Variants in NR2C2 observed in about 807,000 individuals in gnomAD.
NR2C2 encodes the protein nuclear receptor subfamily 2 group C member 2.
Under a neutral mutation model 62.9 loss-of-function variants are expected in NR2C2, and 6 were observed. The ratio of observed to expected loss-of-function variants is 0.10; its 90% CI spans 0.05 to 0.19. The LOEUF is 0.19. NR2C2 is among the 10% of genes least tolerant of loss of function. NR2C2 has a pLI of 1.00. For missense variants in NR2C2, 479 were observed against 762.7 expected (o/e 0.63, Z 4.38); for synonymous variants, 272 against 273.8 (o/e 0.99, Z 0.07).
At chr3:14,967,559 A>T (rs966856827) in intron 1 of NR2C2, among the ~76,000 whole-genome samples, 22 of 152,044 alleles carry the variant, frequency 1.4e-4, no homozygotes, top group South Asian at 4.2e-4. Context: ...ATTTTTTTTT[A>T]AAAAAAGGAA....
intron 1 of NR2C2, among the ~76,000 whole-genome samples, chr3:14,962,882 G>A (rs546772408): frequency 2.6e-5 from 4 of 152,288 alleles, no homozygotes; most frequent in Admixed American, 1.3e-4. Flanking sequence ...TTGACCATTT[G>A]CCATGGACCA....
intron 1 of NR2C2, among the ~76,000 whole-genome samples, chr3:14,963,793 G>C (rs1205699503): frequency 3.9e-5 from 6 of 152,068 alleles, no homozygotes; most frequent in Admixed American, 3.9e-4. Flanking sequence ...CGTTCAAAGA[G>C]AGGATTTTTT....
intron 1 of NR2C2, among the ~76,000 whole-genome samples, chr3:14,989,669 C>T (rs1470394763): frequency 1.3e-5 from 2 of 149,810 alleles, no homozygotes; most frequent in South Asian, 2.1e-4. Flanking sequence ...TGGTGGCTCA[C>T]GACCTGTAAT....
chr3:14,949,224 T>G (rs887382641), intron 1 of NR2C2, among the ~76,000 whole-genome samples: 2 of 152,194 alleles, frequency 1.3e-5, no homozygotes, highest in Non-Finnish European at 2.9e-5. Context: ...TCATAAGTTC[T>G]GTGAAAGAAA....
rs2042067363 is a variant in NR2C2, at chr3:15,034,919, C to T, written c.1372+110C>T. The T allele has an allele frequency of 1.1e-5, 13 of 1,166,280 alleles. 1 individual carries two copies. In the African/African-American group the frequency reaches 1.4e-4, roughly 13 times the overall value. 72.2% of individuals were successfully genotyped at this position (1,166,280 alleles called of 1,614,324 possible). A position where few individuals can be genotyped will look rare whatever the true frequency, so the allele number is the denominator to read the frequency against. ...TCATGTCAAAGACACCTTTGTTGAC[C>T]CAGGCTGGCAACATAGCAAATTGGA... On this transcript the variant is annotated intron_variant, in intron 11 of 13. Transcript: ENST00000425241.
intron 1 of NR2C2, among the ~76,000 whole-genome samples, chr3:15,002,631 G>C (rs2041043797): frequency 8.2e-6 from 1 of 121,618 alleles, no homozygotes; most frequent in African/African-American, 3.0e-5. Flanking sequence ...TTTTTGTGAA[G>C]TGTTCACAAT....
At chr3:15,009,077 C>CA (rs2041275106) in intron 2 of NR2C2, among the ~76,000 whole-genome samples, 1 of 151,958 alleles carries the variant, frequency 6.6e-6, no homozygotes, top group Non-Finnish European at 1.5e-5. Flanking sequence ...AAAAAATTAG[C>CA]GGGGCATGGT....
intron 1 of NR2C2, among the ~76,000 whole-genome samples, chr3:14,969,875 A>T (rs1029659102): frequency 6.6e-5 from 10 of 152,226 alleles, no homozygotes; most frequent in Non-Finnish European, 1.5e-4. Flanking sequence ...GGGAATGTTT[A>T]AAAACATAGA....
intron 4 of NR2C2, among the ~76,000 whole-genome samples, chr3:15,017,610 C>T (rs950775125): frequency 6.6e-6 from 1 of 152,142 alleles, no homozygotes; most frequent in Non-Finnish European, 1.5e-5. Flanking sequence ...AAAGGAAAGG[C>T]CTAGTCACAG....
chr3:14,984,832 G>GT (rs774923324), intron 1 of NR2C2, among the ~76,000 whole-genome samples: 2,848 of 145,844 alleles, frequency 0.02, 49 homozygotes, highest in African/African-American at 0.041. Context: ...TCATATGGTG[G>GT]TTTTTTTTTT....
chr3:14,973,501 C>G (rs2040110528), intron 1 of NR2C2, among the ~76,000 whole-genome samples: 2 of 152,100 alleles, frequency 1.3e-5, no homozygotes, highest in African/African-American at 4.8e-5. Flanking sequence ...CCCAAAGTGC[C>G]AGGATTACAA....
intron 2 of NR2C2, among the ~76,000 whole-genome samples, chr3:15,012,589 G>A (rs2041387322): frequency 6.6e-6 from 1 of 152,046 alleles, no homozygotes; most frequent in South Asian, 2.1e-4. Flanking sequence ...TGTGCTGTAG[G>A]AAACTGAGTT....
intron 2 of NR2C2, among the ~76,000 whole-genome samples, chr3:15,009,105 C>G (rs1423383988): frequency 6.6e-6 from 1 of 152,076 alleles, no homozygotes; most frequent in Non-Finnish European, 1.5e-5. Context: ...ACCTGTAATC[C>G]CAGCTACTCG....
chr3:15,042,909 T>G lies in NR2C2; in HGVS notation c.1692T>G (p.Thr564=), dbSNP rs748445811. ...SSNITEELFF[T]GLIGNVSIDS... The stretch of plus-strand genomic sequence containing the variant: ...ACATAACAGAAGAACTTTTTTTTAC[T>G]GGTCTCATTGGCAATGTTTCGATAG... The change falls in exon 14 of 14, where the codon ACT becomes ACG. Residue 564 remains threonine, a synonymous_variant. Coordinates refer to ENST00000425241, the MANE Select transcript of NR2C2 (RefSeq NM_001291694.2). The G allele has an allele frequency of 1.2e-6, 2 of 1,614,088 alleles. No homozygotes were observed. The highest frequency in any genetic ancestry group is 1.3e-5 in the African/African-American group (1 of 74,930).
chr3:15,005,209 C>T (rs1437130438), intron 2 of NR2C2, among the ~76,000 whole-genome samples: 1 of 151,628 alleles, frequency 6.6e-6, no homozygotes, highest in Non-Finnish European at 1.5e-5. Flanking sequence ...TTTTTTGAGA[C>T]AGGGTCTTGC....
intron 5 of NR2C2, among the ~76,000 whole-genome samples, chr3:15,022,172 C>T (rs1430660369): frequency 6.6e-6 from 1 of 152,184 alleles, no homozygotes; most frequent in Non-Finnish European, 1.5e-5. Context: ...CTTTAAAAAG[C>T]TTTCATTTTC....
Position 15,034,731 on chromosome 3 carries a change from G to T in NR2C2, c.1294G>T (p.Ala432Ser). The T allele has an allele frequency of 6.2e-7, 1 of 1,614,098 alleles. No homozygotes were observed. Among genetic ancestry groups the T allele is most frequent in the Non-Finnish European group, 8.5e-7 (1 of 1,180,004 alleles). Reference protein sequence around the residue: ...CWNELFTLGLAQCAQVMSLST... With the variant: ...CWNELFTLGLSQCAQVMSLST... Reference sequence around the variant, plus strand: ...GAATGAGCTCTTCACCCTCGGCCTGGCCCAGTGTGCCCAGGTCATGAGTCT... The same window carrying T: ...GAATGAGCTCTTCACCCTCGGCCTGTCCCAGTGTGCCCAGGTCATGAGTCT... Residue 432 changes from alanine (A) to serine (S), a missense_variant, in exon 11 of 14, where the codon GCC becomes TCC. Coordinates refer to ENST00000425241, the MANE Select transcript of NR2C2 (RefSeq NM_001291694.2).
rs769365377 is a variant in NR2C2, at chr3:15,038,149, G to A, written c.1510+12G>A. 1.8e-5 allele frequency: 29 copies of A among 1,602,014 alleles called. No homozygotes were observed. The highest frequency in any genetic ancestry group is 3.4e-5 in the Admixed American group (2 of 58,264). On this transcript the variant is annotated intron_variant, in intron 12 of 13. Coordinates refer to ENST00000425241, the MANE Select transcript of NR2C2 (RefSeq NM_001291694.2). The stretch of plus-strand genomic sequence containing the variant: ...TCTCTTTAGCCCCGGTAAGATATGC[G>A]GTGGGGATGCATGACCCCTTTCCAC...
At chr3:15,014,789 A>G (rs1236322484) in intron 3 of NR2C2, among the ~76,000 whole-genome samples, 1 of 152,224 alleles carries the variant, frequency 6.6e-6, no homozygotes, top group Non-Finnish European at 1.5e-5. Context: ...AGCATGTGTC[A>G]GAATTCCATT....
Sources: gnomAD v4.1 joint callset for allele counts (sites outside exome capture counted in the v4.1 genomes callset) on GRCh38, gnomAD v4.1.1 for gene constraint, MANE v1.5 for transcripts, NCBI Gene and HGNC (gene_info 2026-07-23, HGNC 2026-07-21) for gene names.